CTBP2: variants seen among roughly 807,000 people sequenced by gnomAD.
The protein encoded by CTBP2 is C-terminal-binding protein 2.
A neutral mutation model predicts 80.3 loss-of-function variants in CTBP2; 30 were observed. That is an observed-to-expected ratio of 0.37 (90% CI 0.28 to 0.51). The LOEUF (loss-of-function observed/expected upper bound fraction) is 0.51. Ranked by LOEUF, CTBP2 falls within the 20% of genes least tolerant of loss-of-function variation. The probability of loss-of-function intolerance (pLI) is 0.93; values close to 1 mark genes in which losing one functional copy is unlikely to be tolerated. For synonymous variants in CTBP2, 594 were observed against 587.4 expected (o/e 1.01, Z -0.16); for missense variants, 1,212 against 1,375.3 (o/e 0.88, Z 1.88).
intron 3 of CTBP2, among the ~76,000 whole-genome samples, chr10:125,033,621 C>T (rs1958506949): frequency 6.6e-6 from 1 of 152,222 alleles, no homozygotes; most frequent in South Asian, 2.1e-4. Context: ...CTGTCTGCTG[C>T]TGTCTGGCTA....
Position 125,066,530 on chromosome 10 carries a change from A to G in CTBP2, c.-101-27375T>C, listed in dbSNP as rs1801011313. ...TTTCGTACAGGAGCCTGCTGGGGGT[A>G]GCTCACGGGGACTGGAAGCATGGCC... On this transcript the variant is annotated intron_variant, in intron 2 of 10. Transcript: ENST00000337195. The surrounding 1 kb of genome is among the most constrained non-coding windows in gnomAD (Gnocchi z 4.1). 6.6e-6 allele frequency among the ~76,000 whole-genome samples: 1 copy of G among 152,106 alleles called. No homozygotes were observed. Among genetic ancestry groups the G allele is most frequent in the Non-Finnish European group, 1.5e-5 (1 of 68,010 alleles).
chr10:125,061,348 C>A (rs1415315278), intron 2 of CTBP2, among the ~76,000 whole-genome samples: 1 of 152,182 alleles, frequency 6.6e-6, no homozygotes, highest in Admixed American at 6.5e-5. Context: ...GCTGGGCATC[C>A]GGGGCGACAC....
intron 2 of CTBP2, among the ~76,000 whole-genome samples, chr10:125,060,802 G>A (rs1014986618): frequency 1.3e-5 from 2 of 152,202 alleles, no homozygotes; most frequent in South Asian, 2.1e-4. Context: ...CAGAGAGGCC[G>A]GTGCCCCAAC....
At chr10:125,097,100 C>T (rs1849660345) in intron 2 of CTBP2, among the ~76,000 whole-genome samples, 2 of 152,170 alleles carry the variant, frequency 1.3e-5, no homozygotes, top group Admixed American at 1.3e-4. Flanking sequence ...TACATGCCTC[C>T]AATTAATTTT....
chr10:125,100,891 T>C (rs1292298028), intron 2 of CTBP2: 2 of 152,236 alleles, frequency 1.3e-5, no homozygotes, highest in African/African-American at 4.8e-5. Flanking sequence ...ACTTTTGAAA[T>C]TTACTGAATA....
In CTBP2 at chr10:124,994,688, A is replaced by G. The variant is rs749647555; in HGVS notation, c.2186-5T>C. ...CAACCGCCTGCCCCGTGCGACCTGT[A>G]CAGAAACAGAGCGTCCAGGTGAGTG... On this transcript the variant is annotated splice_polypyrimidine_tract_variant and splice_region_variant and intron_variant, in intron 4 of 8. Coordinates refer to ENST00000309035, the MANE Select transcript of CTBP2 (RefSeq NM_022802.3). The G allele has an allele frequency of 1.2e-6, 2 of 1,614,118 alleles. No homozygotes were observed. Among genetic ancestry groups the G allele is most frequent in the South Asian group, 2.2e-5 (2 of 91,082 alleles).
At chr10:125,017,185 T>G (rs1488140764) in intron 1 of CTBP2, among the ~76,000 whole-genome samples, 4 of 152,176 alleles carry the variant, frequency 2.6e-5, no homozygotes, top group Non-Finnish European at 4.4e-5. Flanking sequence ...GATGAGGCCC[T>G]GGTGAAATCA....
At chr10:125,098,316 T>C (rs1350607549) in intron 2 of CTBP2, among the ~76,000 whole-genome samples, 1 of 152,134 alleles carries the variant, frequency 6.6e-6, no homozygotes, top group Non-Finnish European at 1.5e-5. Context: ...TTAGGCAGAC[T>C]ACTCCCCAAA....
chr10:125,151,670 G>A (rs1176954251), intron 1 of CTBP2, among the ~76,000 whole-genome samples: 2 of 152,252 alleles, frequency 1.3e-5, no homozygotes, highest in Non-Finnish European at 2.9e-5. Flanking sequence ...GCTGCGGGGT[G>A]GAGGCGGCTC....
intron 1 of CTBP2, among the ~76,000 whole-genome samples, chr10:125,004,173 G>A (rs1245236642): frequency 6.6e-6 from 1 of 152,206 alleles, no homozygotes; most frequent in Non-Finnish European, 1.5e-5. Flanking sequence ...CCCCAGGAAG[G>A]GCCCCAGTGG....
At chr10:125,054,580 G>A (rs1323183289) in intron 2 of CTBP2, among the ~76,000 whole-genome samples, 2 of 152,226 alleles carry the variant, frequency 1.3e-5, no homozygotes, top group Non-Finnish European at 2.9e-5. Flanking sequence ...CATAGACAGT[G>A]CAAGACAATA....
chr10:125,054,354 T>C (rs970974179), intron 2 of CTBP2, among the ~76,000 whole-genome samples: 1 of 152,086 alleles, frequency 6.6e-6, no homozygotes, highest in Non-Finnish European at 1.5e-5. Context: ...CCCTGCCAAC[T>C]TCCCTCCCTC....
chr10:125,149,248 T>C (rs1271680204), intron 1 of CTBP2, among the ~76,000 whole-genome samples: 1 of 152,156 alleles, frequency 6.6e-6, no homozygotes, highest in Non-Finnish European at 1.5e-5. Flanking sequence ...TAGATGCCAC[T>C]TTCCAAGCAA....
At chr10:125,140,856 G>A (rs940090765) in intron 1 of CTBP2, among the ~76,000 whole-genome samples, 2 of 150,688 alleles carry the variant, frequency 1.3e-5, no homozygotes, top group Non-Finnish European at 3.0e-5. Flanking sequence ...AAACCATGAC[G>A]TGGCTGGGCA....
intron 2 of CTBP2, among the ~76,000 whole-genome samples, chr10:125,057,434 C>G (rs1051059193): frequency 6.6e-6 from 1 of 152,166 alleles, no homozygotes; most frequent in South Asian, 2.1e-4. Context: ...GGCCAAACCC[C>G]GAGCTATGAA....
chr10:125,055,860 T>C lies in CTBP2; in HGVS notation c.-101-16705A>G, dbSNP rs539910664. Among the ~76,000 whole-genome samples the C allele has an allele frequency of 7.2e-5, 11 of 152,302 alleles. No homozygotes were observed. The East Asian group carries it at 1.4e-3, about 19-fold the overall frequency. On this transcript the variant is annotated intron_variant, in intron 2 of 10. Coordinates refer to the CTBP2 transcript ENST00000337195. The stretch of plus-strand genomic sequence containing the variant: ...GAGGCTGGAACGCTTTTTAGCTGCA[T>C]GCATGACTTTAAAAGCAGCTAACTG...
chr10:125,135,107 T>A (rs1856793057), intron 1 of CTBP2, among the ~76,000 whole-genome samples: 2 of 152,036 alleles, frequency 1.3e-5, no homozygotes, highest in Admixed American at 1.3e-4. Flanking sequence ...CCCTTCTTGA[T>A]CCAGGTATCA....
chr10:125,068,059 T>A (rs1844912164), intron 2 of CTBP2, among the ~76,000 whole-genome samples: 1 of 152,200 alleles, frequency 6.6e-6, no homozygotes, highest in Non-Finnish European at 1.5e-5. Flanking sequence ...GACAGTCAGA[T>A]GGGCCTCAAC....
At chr10:125,012,214 G>C (rs996456166) in intron 1 of CTBP2, among the ~76,000 whole-genome samples, 4 of 152,206 alleles carry the variant, frequency 2.6e-5, no homozygotes, top group African/African-American at 4.8e-5. Flanking sequence ...GGTGGTCCCT[G>C]GGCTCCGGGA....
Sources: gnomAD v4.1 joint callset for allele counts (sites outside exome capture counted in the v4.1 genomes callset) on GRCh38, gnomAD v4.1.1 for gene constraint, Gnocchi (gnomAD v3.1) non-coding constraint, MANE v1.5 for transcripts, NCBI Gene and HGNC (gene_info 2026-07-23, HGNC 2026-07-21) for gene names.